The following PRKG1 variants were observed in gnomAD, a reference collection of about 807,000 sequenced individuals.
PRKG1 encodes the protein protein kinase cGMP-dependent 1, also known as cGMP-dependent protein kinase 1.
In PRKG1, 35 loss-of-function variants were observed where a neutral mutation model predicts 88.1. That is an observed-to-expected ratio of 0.40 (90% CI 0.30 to 0.53). The LOEUF is 0.53. Among genes scored for constraint, PRKG1 ranks in the 20% least tolerant of loss-of-function variants. PRKG1 has a pLI of 0.59. For missense variants in PRKG1, 540 were observed against 839.8 expected, an observed-to-expected ratio of 0.64 and a Z score of 4.41; for synonymous variants, 303 against 292.5, an observed-to-expected ratio of 1.04 and a Z score of -0.37.
rs1842777231 is a variant in PRKG1 at position 50,991,252 on chromosome 10, G to C, written c.-127G>C. On this transcript the variant is annotated 5_prime_UTR_variant, in exon 1 of 18. Transcript: ENST00000401604. This position sits in a 1 kb window ranked among gnomAD's most constrained non-coding sequence, Gnocchi z 4.5. Reference sequence around the variant, plus strand: ...ATTAGGGGCGCACTCCGCCGCGCTCGAGTACTTAGCGCCCATTCACTCGCT... The same window carrying C: ...ATTAGGGGCGCACTCCGCCGCGCTCCAGTACTTAGCGCCCATTCACTCGCT... 8.9e-6 allele frequency: 12 copies of C among 1,352,078 alleles called. No individual in the cohort carries two copies. The highest frequency in any genetic ancestry group is 3.1e-5 in the African/African-American group (2 of 63,668). The allele number at this position is 1,352,078 out of a possible 1,614,324, so 83.8% of individuals were successfully genotyped here.
chr10:51,694,727 A>G (rs1012878297), intron 3 of PRKG1, among the ~76,000 whole-genome samples: 2 of 152,220 alleles, frequency 1.3e-5, no homozygotes, highest in Admixed American at 6.5e-5. Flanking sequence ...TACACATCCT[A>G]GGGAAAATTC....
At chr10:51,724,501 G>A (rs1425348998) in intron 3 of PRKG1, among the ~76,000 whole-genome samples, 2 of 151,994 alleles carry the variant, frequency 1.3e-5, no homozygotes, top group Non-Finnish European at 2.9e-5. Context: ...TGCCCTTATT[G>A]GATCTGAAAA....
chr10:52,030,599 C>T (rs1845450792), intron 5 of PRKG1, among the ~76,000 whole-genome samples: 1 of 152,116 alleles, frequency 6.6e-6, no homozygotes, highest in South Asian at 2.1e-4. Flanking sequence ...GAAGTTAGAG[C>T]TAACAGTTTG....
chr10:51,216,432 G>A (rs1838372824), intron 2 of PRKG1, among the ~76,000 whole-genome samples: 1 of 152,170 alleles, frequency 6.6e-6, no homozygotes, highest in Admixed American at 6.5e-5. Context: ...CTTGATTTGA[G>A]TAACAGTACT....
intron 4 of PRKG1, among the ~76,000 whole-genome samples, chr10:51,879,369 A>C (rs1002772769): frequency 1.3e-5 from 2 of 152,212 alleles, no homozygotes; most frequent in African/African-American, 4.8e-5. Context: ...ATGAACGAGA[A>C]AAGTTGCTGG....
At chr10:51,364,740 A>G (rs1842554556) in intron 2 of PRKG1, among the ~76,000 whole-genome samples, 1 of 151,942 alleles carries the variant, frequency 6.6e-6, no homozygotes, top group Admixed American at 6.6e-5. Flanking sequence ...TGTTTCATTT[A>G]TCTGGGTTGA....
intron 3 of PRKG1, among the ~76,000 whole-genome samples, chr10:51,527,075 T>G (rs1162526260): frequency 6.6e-6 from 1 of 152,208 alleles, no homozygotes; most frequent in African/African-American, 2.4e-5. Context: ...CGTGGCTGTG[T>G]TCCCAATAAA....
chr10:52,073,242 C>G (rs1304862772), intron 7 of PRKG1, among the ~76,000 whole-genome samples: 1 of 152,202 alleles, frequency 6.6e-6, no homozygotes, highest in Non-Finnish European at 1.5e-5. Flanking sequence ...TCCAGTATGG[C>G]AGCACCTTAA....
intron 8 of PRKG1, among the ~76,000 whole-genome samples, chr10:52,147,805 T>C (rs1053881839): frequency 2.0e-5 from 3 of 152,156 alleles, no homozygotes; most frequent in African/African-American, 7.2e-5. Context: ...AAGATTTCTA[T>C]CCTGAATTAT....
intron 3 of PRKG1, among the ~76,000 whole-genome samples, chr10:51,769,390 A>G (rs574927045): frequency 6.6e-6 from 1 of 152,324 alleles, no homozygotes; most frequent in East Asian, 1.9e-4. Flanking sequence ...TTAAGCCAAA[A>G]TTCAATATTT....
At chr10:51,686,420 T>G (rs1840992748) in intron 3 of PRKG1, among the ~76,000 whole-genome samples, 1 of 152,166 alleles carries the variant, frequency 6.6e-6, no homozygotes, top group Non-Finnish European at 1.5e-5. Context: ...CTGTGTTAGA[T>G]TGCATAGGAT....
intron 2 of PRKG1, among the ~76,000 whole-genome samples, chr10:51,376,666 T>C (rs972845780): frequency 7.2e-5 from 11 of 152,234 alleles, no homozygotes; most frequent in Non-Finnish European, 1.3e-4. Flanking sequence ...TGTTTTTCTT[T>C]GTTGTTGTTT....
chr10:51,055,932 C>G (rs913736123), intron 1 of PRKG1, among the ~76,000 whole-genome samples: 4 of 152,042 alleles, frequency 2.6e-5, no homozygotes, highest in Non-Finnish European at 5.9e-5. Flanking sequence ...TTCTACATTA[C>G]TTATGGACAG....
intron 2 of PRKG1, among the ~76,000 whole-genome samples, chr10:51,306,928 A>G (rs1841053762): frequency 6.6e-6 from 1 of 152,104 alleles, no homozygotes; most frequent in Non-Finnish European, 1.5e-5. Context: ...CATGGAGTCT[A>G]ATGGCTCCCA....
intron 1 of PRKG1, among the ~76,000 whole-genome samples, chr10:51,046,554 C>G (rs1021535323): frequency 3.3e-5 from 5 of 152,200 alleles, no homozygotes; most frequent in African/African-American, 1.2e-4. Flanking sequence ...TTTCCTTTGG[C>G]ATTACGTCTC....
rs781222773 is a variant in PRKG1 at position 52,272,452 on chromosome 10, T to C, written c.1374T>C (p.Gly458=). 2 of 1,610,656 alleles carry C rather than the reference T, an allele frequency of 1.2e-6. No individual in the cohort carries two copies. The highest frequency in any genetic ancestry group is 1.7e-6 in the Non-Finnish European group (2 of 1,177,438). The change falls in exon 12 of 18, where the codon GGT becomes GGC. Residue 458 remains glycine (G), a synonymous_variant. Coordinates refer to ENST00000373980, the MANE Select transcript of PRKG1 (RefSeq NM_006258.4). ...YLYMLMEACL[G]GELWTILRDR... is the part of the protein sequence containing the mutation. ...ATATGTTGATGGAAGCTTGTCTAGG[T>C]GGAGAGCTCTGGACCATTCTCAGGG...
intron 2 of PRKG1, among the ~76,000 whole-genome samples, chr10:51,430,470 G>A (rs2132724396): frequency 6.6e-6 from 1 of 152,086 alleles, no homozygotes; most frequent in East Asian, 1.9e-4. Context: ...AATTGTTAGA[G>A]ACAGTGGGTG....
chr10:51,125,543 A>G (rs1845373920), intron 1 of PRKG1, among the ~76,000 whole-genome samples: 2 of 149,658 alleles, frequency 1.3e-5, no homozygotes, highest in South Asian at 2.1e-4. Context: ...TTAGCTGGGC[A>G]TGATGGCGGG....
At chr10:51,402,687 C>T (rs1397825560) in intron 2 of PRKG1, among the ~76,000 whole-genome samples, 1 of 152,084 alleles carries the variant, frequency 6.6e-6, no homozygotes, top group African/African-American at 2.4e-5. Flanking sequence ...TCACAGTGTC[C>T]CACTGGCTGG....
Sources: allele counts gnomAD v4.1 joint callset (sites outside exome capture counted in the v4.1 genomes callset), GRCh38; gene constraint gnomAD v4.1.1; non-coding constraint Gnocchi (gnomAD v3.1); transcripts MANE v1.5; gene names NCBI Gene and HGNC (gene_info 2026-07-23, HGNC 2026-07-21).